The following SLC35F3 variants were observed in gnomAD, a reference collection of about 807,000 sequenced individuals.
SLC35F3 encodes putative thiamine transporter SLC35F3.
In SLC35F3, 25 loss-of-function variants were observed where a neutral mutation model predicts 49.9. That is an observed-to-expected ratio of 0.50 (90% CI 0.37 to 0.70). The LOEUF is 0.70. SLC35F3 is among the 30% of genes least tolerant of loss of function. SLC35F3 has a pLI of 0.00. For missense variants in SLC35F3, 525 were observed against 639.8 expected, an observed-to-expected ratio of 0.82 and a Z score of 1.94; for synonymous variants, 275 against 265.4, an observed-to-expected ratio of 1.04 and a Z score of -0.35.
At chr1:234,073,835 G>T (rs1463235430) in intron 2 of SLC35F3, among the ~76,000 whole-genome samples, 1 of 152,082 alleles carries the variant, frequency 6.6e-6, no homozygotes, top group Non-Finnish European at 1.5e-5. Flanking sequence ...TGTCGTACTT[G>T]CTTCAGTTTC....
chr1:234,278,495 A>G (rs1668250078), intron 3 of SLC35F3, among the ~76,000 whole-genome samples: 1 of 131,670 alleles, frequency 7.6e-6, no homozygotes, highest in African/African-American at 3.1e-5. Flanking sequence ...GTTTCAAAAG[A>G]AAAAAAAAAA....
rs1663389971 is a variant in SLC35F3 at position 233,993,003 on chromosome 1, A to C, written c.283+87245A>C. On this transcript the variant is annotated intron_variant, in intron 2 of 7. Transcript: ENST00000366618. Reference sequence around the variant, plus strand: ...AGATGCTTCCCAAATACACTTTGTCATTTGAATGTACTTGAAATGCCCGTG... The same window carrying C: ...AGATGCTTCCCAAATACACTTTGTCCTTTGAATGTACTTGAAATGCCCGTG... Among the ~76,000 whole-genome samples the C allele has an allele frequency of 1.3e-5, 2 of 152,178 alleles. 1 individual carries two copies. Among genetic ancestry groups the C allele is most frequent in the South Asian group, 4.1e-4 (2 of 4,824 alleles).
intron 2 of SLC35F3, among the ~76,000 whole-genome samples, chr1:234,132,865 C>A (rs1029029304): frequency 2.0e-5 from 3 of 152,164 alleles, no homozygotes; most frequent in Non-Finnish European, 4.4e-5. Flanking sequence ...ACATTCCACG[C>A]AAAATTTCTA....
At chr1:234,207,506 T>C (rs1666992238) in intron 2 of SLC35F3, among the ~76,000 whole-genome samples, 1 of 137,568 alleles carries the variant, frequency 7.3e-6, no homozygotes, top group Non-Finnish European at 1.6e-5. Context: ...TGAAAGATAA[T>C]GGTTAAGATC....
At chr1:234,280,190 T>A (rs550250265) in intron 3 of SLC35F3, among the ~76,000 whole-genome samples, 191 of 152,318 alleles carry the variant, frequency 1.3e-3, no homozygotes, top group African/African-American at 4.4e-3. Context: ...CCATTGCACA[T>A]TAAAGAACAT....
At chr1:233,976,562 G>A (rs1162651454) in intron 2 of SLC35F3, among the ~76,000 whole-genome samples, 2 of 152,112 alleles carry the variant, frequency 1.3e-5, no homozygotes, top group African/African-American at 2.4e-5. Flanking sequence ...AAAAGTATCT[G>A]TAAACAAAAT....
In SLC35F3 at chr1:233,950,342, C is replaced by T. The variant is rs370784454; in HGVS notation, c.283+44584C>T. ...CGGAGCTTGCAGTGAGCCGAGATCA[C>T]GCCACTGCACTCCAGCCTGGGTGAC... On this transcript the variant is annotated intron_variant, in intron 2 of 7. Transcript: ENST00000366618. 5.7e-5 allele frequency among the ~76,000 whole-genome samples: 8 copies of T among 140,078 alleles called. No individual in the cohort carries two copies. The East Asian group carries it at 8.2e-4, about 14-fold the overall frequency. The allele number at this position is 140,078 out of a possible 152,430, so 91.9% of individuals were successfully genotyped here.
chr1:234,318,614 C>T, intron 5 of SLC35F3, 137 bp from the exon 6 acceptor site: 1 of 713,614 alleles, frequency 1.4e-6, no homozygotes, highest in Non-Finnish European at 2.4e-6. Flanking sequence ...ACAGGCCAAA[C>T]CCCATGGAAT....
In SLC35F3 at chr1:234,214,868, C is replaced by T. The variant is rs907720293; in HGVS notation, c.284-16549C>T. 8.4e-6 allele frequency: 3 copies of T among 356,320 alleles called. No individual in the cohort carries two copies. The highest frequency in any genetic ancestry group is 1.5e-5 in the Non-Finnish European group (3 of 197,518). 22.1% of individuals were successfully genotyped at this position (356,320 alleles called of 1,614,324 possible). A position where few individuals can be genotyped will look rare whatever the true frequency, so the allele number is the denominator to read the frequency against. ...CATCTGGCAGCAGCTGCACCCTCAC[C>T]TCCATCCCAGTTTGTCCTGGGGCTC... On this transcript the variant is annotated intron_variant, in intron 2 of 7. Coordinates refer to ENST00000366618, the MANE Select transcript of SLC35F3 (RefSeq NM_173508.4). The surrounding 1 kb of genome is among the most constrained non-coding windows in gnomAD (Gnocchi z 8.0).
intron 2 of SLC35F3, among the ~76,000 whole-genome samples, chr1:233,916,378 C>T (rs1004609150): frequency 6.6e-6 from 1 of 152,174 alleles, no homozygotes; most frequent in African/African-American, 2.4e-5. Flanking sequence ...AGCAATCCTC[C>T]CGCCTCAGCC....
chr1:234,135,495 A>C (rs1665797269), intron 2 of SLC35F3, among the ~76,000 whole-genome samples: 1 of 152,238 alleles, frequency 6.6e-6, no homozygotes, highest in Admixed American at 6.5e-5. Flanking sequence ...ATTGGCAAGA[A>C]GGACTCACAA....
At chr1:233,995,005 T>C (rs1410022942) in intron 2 of SLC35F3, among the ~76,000 whole-genome samples, 1 of 152,222 alleles carries the variant, frequency 6.6e-6, no homozygotes, top group Non-Finnish European at 1.5e-5. Flanking sequence ...AAACCTCAGA[T>C]ATTACATTTG....
chr1:234,202,109 G>A (rs1316885318), intron 2 of SLC35F3, among the ~76,000 whole-genome samples: 4 of 152,074 alleles, frequency 2.6e-5, no homozygotes, highest in South Asian at 2.1e-4. Context: ...CAGGGACATA[G>A]ATGGAGTTGG....
At chr1:234,051,466 T>C (rs1664375373) in intron 2 of SLC35F3, among the ~76,000 whole-genome samples, 2 of 152,252 alleles carry the variant, frequency 1.3e-5, no homozygotes, top group African/African-American at 2.4e-5. Context: ...ATAGGAATGC[T>C]TGTGATTTTT....
chr1:234,130,184 G>A (rs917268037), intron 2 of SLC35F3, among the ~76,000 whole-genome samples: 1 of 152,060 alleles, frequency 6.6e-6, no homozygotes, highest in African/African-American at 2.4e-5. Flanking sequence ...CAAACAAGTT[G>A]ATTTTAAAAT....
rs935584181 is a variant in SLC35F3 at position 234,165,064 on chromosome 1, G to A, written c.284-66353G>A. 9.1e-4 allele frequency among the ~76,000 whole-genome samples: 138 copies of A among 151,682 alleles called. 2 individuals carry two copies. The highest frequency in any genetic ancestry group is 3.2e-3 in the African/African-American group (134 of 41,348). On this transcript the variant is annotated intron_variant, in intron 2 of 7. Coordinates refer to ENST00000366618, the MANE Select transcript of SLC35F3 (RefSeq NM_173508.4). The stretch of plus-strand genomic sequence containing the variant: ...TGTGTGTGTGTGTGTGTGTGTGTGT[G>A]TGTGTGTGTGTGTGTGTGTGTAAAA...
chr1:234,097,908 T>G (rs1428630379), intron 2 of SLC35F3, among the ~76,000 whole-genome samples: 2 of 152,158 alleles, frequency 1.3e-5, no homozygotes, highest in African/African-American at 4.8e-5. Flanking sequence ...GTGAAGGTGA[T>G]GTGATGGTGG....
chr1:233,979,420 A>G (rs1404315455), intron 2 of SLC35F3, among the ~76,000 whole-genome samples: 1 of 152,372 alleles, frequency 6.6e-6, no homozygotes, highest in East Asian at 1.9e-4. Flanking sequence ...TTCAGACAGC[A>G]TGATATGAAG....
chr1:234,189,762 A>G (rs1224066858), intron 2 of SLC35F3, among the ~76,000 whole-genome samples: 1 of 152,188 alleles, frequency 6.6e-6, no homozygotes. Flanking sequence ...CTAGGCACAT[A>G]GTTATCAAGT....
Sources: gnomAD v4.1 joint callset for allele counts (sites outside exome capture counted in the v4.1 genomes callset) on GRCh38, gnomAD v4.1.1 for gene constraint, Gnocchi (gnomAD v3.1) non-coding constraint, MANE v1.5 for transcripts, NCBI Gene and HGNC (gene_info 2026-07-23, HGNC 2026-07-21) for gene names.